PAK6: variants seen among roughly 807,000 people sequenced by gnomAD.
PAK6 encodes the protein p21 (RAC1) activated kinase 6, also known as serine/threonine-protein kinase PAK 6.
In PAK6, 33 loss-of-function variants were observed where a neutral mutation model predicts 60.8. The ratio of observed to expected loss-of-function variants is 0.54; its 90% CI spans 0.41 to 0.73. The LOEUF (loss-of-function observed/expected upper bound fraction) is 0.73. PAK6 is among the 30% of genes least tolerant of loss of function. The pLI, the probability that PAK6 is intolerant of heterozygous loss-of-function variation, is 0.00. For synonymous variants in PAK6, 404 were observed against 378.5 expected (o/e 1.07, Z -0.78); for missense variants, 845 against 904.1 (o/e 0.93, Z 0.84).
chr15:40,276,819 G>C (rs1197360818), exon 11 of PAK6: 1 of 143,964 alleles, frequency 6.9e-6, no homozygotes, highest in South Asian at 2.3e-4. Flanking sequence ...TGACAGCCCA[G>C]GTCCCTCCAG....
intron 2 of PAK6, among the ~76,000 whole-genome samples, chr15:40,243,418 A>G (rs1203581572): frequency 6.6e-6 from 1 of 152,218 alleles, no homozygotes; most frequent in Non-Finnish European, 1.5e-5. Context: ...CCTGTCCAAC[A>G]GAGATAATTA....
chr15:40,261,474 T>C (rs1036075749), intron 3 of PAK6, among the ~76,000 whole-genome samples: 14 of 151,856 alleles, frequency 9.2e-5, no homozygotes, highest in African/African-American at 2.9e-4. Context: ...GAGGCAGAGA[T>C]TGCAGTGAGC....
intron 8 of PAK6, 32 bp downstream of exon 8, chr15:40,273,504 G>A (rs936214): frequency 0.13 from 210,043 of 1,613,264 alleles, 17,692 homozygotes; most frequent in East Asian, 0.48. Flanking sequence ...GCACAGCCAC[G>A]CTCCCACTTC....
At chr15:40,269,920 C>T (rs1298408200) in intron 5 of PAK6, among the ~76,000 whole-genome samples, 2 of 152,236 alleles carry the variant, frequency 1.3e-5, no homozygotes, top group Non-Finnish European at 2.9e-5. Flanking sequence ...AGAGCTGGCC[C>T]ATGCAGAAGC....
intron 7 of PAK6, 105 bp from the exon 8 acceptor site, chr15:40,273,241 G>A (rs2140993274): frequency 7.3e-7 from 1 of 1,369,196 alleles, no homozygotes; most frequent in South Asian, 1.3e-5. Flanking sequence ...AGATTGCCTG[G>A]GAGCTGTGGG....
intron 2 of PAK6, among the ~76,000 whole-genome samples, chr15:40,248,309 A>C (rs940628409): frequency 1.3e-5 from 2 of 152,208 alleles, no homozygotes; most frequent in African/African-American, 4.8e-5. Flanking sequence ...CATCAGGGTG[A>C]GGAGCAGGAA....
chr15:40,251,413 C>A (rs11634409), intron 2 of PAK6: 35,249 of 152,018 alleles, frequency 0.23, 5,053 homozygotes, highest in Non-Finnish European at 0.34. Flanking sequence ...TAGGTGGGCG[C>A]CTTAGAGTAA....
At chr15:40,266,519 G>A in intron 5 of PAK6, 24 bp downstream of exon 5, 1 of 1,567,580 alleles carries the variant, frequency 6.4e-7, no homozygotes, top group South Asian at 1.2e-5. Flanking sequence ...CTGGCCTGCA[G>A]GTGTCCACTG....
chr15:40,276,225 C>T, exon 11 of PAK6: 1 of 906,148 alleles, frequency 1.1e-6, no homozygotes, highest in Admixed American at 2.2e-5. Flanking sequence ...GCCCCAGCCC[C>T]ACCCTCTGCC....
At chr15:40,273,397 G>A (rs1366158594) in exon 8 of PAK6, 2 of 1,613,918 alleles carry the variant, frequency 1.2e-6, no homozygotes, top group East Asian at 4.5e-5. Flanking sequence ...TGCAGGCCCT[G>A]GCCTACCTGC....
chr15:40,268,540 A>T (rs1214845850), intron 5 of PAK6, among the ~76,000 whole-genome samples: 3 of 152,200 alleles, frequency 2.0e-5, no homozygotes, highest in Admixed American at 6.5e-5. Context: ...TCAAGCCAGC[A>T]GCCCTTGGCA....
intron 2 of PAK6, chr15:40,252,658 CTCTTCGAG>C: frequency 1.5e-6 from 2 of 1,321,946 alleles, no homozygotes; most frequent in Non-Finnish European, 2.0e-6. Context: ...CTCCCACGAC[CTCTTCGAG>C]CGTTCCTGGG....
chr15:40,265,005 A>G lies in PAK6; in HGVS notation c.204+16A>G, dbSNP rs751255100. 9 of 1,609,440 alleles carry G rather than the reference A, an allele frequency of 5.6e-6. No individual in the cohort carries two copies. Among genetic ancestry groups the G allele is most frequent in the Non-Finnish European group, 7.6e-6 (9 of 1,177,642 alleles). Reference sequence around the variant, plus strand: ...GCCCATGAAGGTAAGAGGGGCCGGCAGGGATGAGGTTCAGCCTCTCCCAGT... The same window carrying G: ...GCCCATGAAGGTAAGAGGGGCCGGCGGGGATGAGGTTCAGCCTCTCCCAGT... On this transcript the variant is annotated intron_variant, in intron 4 of 10. Transcript: ENST00000560346.
Position 40,265,851 on chromosome 15 carries a change from C to T in PAK6, c.214C>T (p.Arg72Trp), listed in dbSNP as rs777247289. 67 of 1,532,808 alleles carry T rather than the reference C, an allele frequency of 4.4e-5. 1 individual carries two copies. The South Asian group carries it at 7.6e-4, about 17-fold the overall frequency. The allele number at this position is 1,532,808 out of a possible 1,614,324, so 95.0% of individuals were successfully genotyped here. The change falls in exon 5 of 11, where the codon CGG (arginine) becomes TGG (tryptophan). Residue 72 changes from arginine to tryptophan, a missense_variant. Coordinates refer to ENST00000560346, the Ensembl canonical transcript of PAK6. ...TCTCTTCCCCCTACAGACAGTGGTGCGGGGCAGCGCGATGCCTGTGGATGG... is the reference window on the plus strand; with the variant it reads ...TCTCTTCCCCCTACAGACAGTGGTGTGGGGCAGCGCGATGCCTGTGGATGG...
intron 2 of PAK6, chr15:40,252,064 C>T (rs1005148872): frequency 7.7e-6 from 2 of 260,564 alleles, no homozygotes; most frequent in Non-Finnish European, 1.5e-5. Context: ...CCCTTAAATC[C>T]CGCTTTCCTG....
Position 40,268,163 on chromosome 15 carries a change from G to T in PAK6, c.858+1668G>T, listed in dbSNP as rs76197917. On this transcript the variant is annotated intron_variant, in intron 5 of 10. Coordinates refer to ENST00000560346, the Ensembl canonical transcript of PAK6. Reference sequence around the variant, plus strand: ...ACCATACTTCCAAATCCAGGGGAGTGGTTTCCTTCTGGGCAACTCAGACAC... The same window carrying T: ...ACCATACTTCCAAATCCAGGGGAGTTGTTTCCTTCTGGGCAACTCAGACAC... Among the ~76,000 whole-genome samples, 657 of 152,270 alleles carry T rather than the reference G, an allele frequency of 4.3e-3. 4 individuals are homozygous for T. Among genetic ancestry groups the T allele is most frequent in the African/African-American group, 0.015 (624 of 41,550 alleles).
At chr15:40,270,038 T>C (rs2039258625) in intron 5 of PAK6, among the ~76,000 whole-genome samples, 1 of 152,216 alleles carries the variant, frequency 6.6e-6, no homozygotes, top group Non-Finnish European at 1.5e-5. Flanking sequence ...GTCCCCAAGC[T>C]TCTGCCCCGA....
chr15:40,261,091 T>C (rs1348819111), intron 3 of PAK6, among the ~76,000 whole-genome samples: 1 of 151,344 alleles, frequency 6.6e-6, no homozygotes, highest in Non-Finnish European at 1.5e-5. Flanking sequence ...GGTTTCACCG[T>C]GTTAGCCAGG....
chr15:40,265,092 A>G, intron 4 of PAK6, 103 bp downstream of exon 4: 2 of 1,019,604 alleles, frequency 2.0e-6, no homozygotes, highest in South Asian at 1.7e-5. Flanking sequence ...CCTACTTCAC[A>G]GCTATCAGTT....
Sources: gnomAD v4.1 joint callset for allele counts (sites outside exome capture counted in the v4.1 genomes callset) on GRCh38, gnomAD v4.1.1 for gene constraint, MANE v1.5 for transcripts, NCBI Gene and HGNC (gene_info 2026-07-23, HGNC 2026-07-21) for gene names.